PDGFC: variants seen among roughly 807,000 people sequenced by gnomAD.
The protein encoded by PDGFC is platelet-derived growth factor C.
PDGFC carries 12 observed loss-of-function variants against 35.5 expected under a neutral mutation model. The observed-to-expected ratio is 0.34, with a 90% confidence interval of 0.22 to 0.55. PDGFC has a LOEUF of 0.55. Among genes scored for constraint, PDGFC ranks in the 20% least tolerant of loss-of-function variants. The pLI, the probability that PDGFC is intolerant of heterozygous loss-of-function variation, is 0.91. For missense variants in PDGFC, 322 were observed against 412.4 expected, an observed-to-expected ratio of 0.78 and a Z score of 1.90; for synonymous variants, 159 against 148.8, an observed-to-expected ratio of 1.07 and a Z score of -0.50.
chr4:156,818,516 GTT>G (rs35714916), intron 2 of PDGFC, among the ~76,000 whole-genome samples: 3 of 98,886 alleles, frequency 3.0e-5, no homozygotes, highest in South Asian at 7.2e-4. Flanking sequence ...CTTTCTAGCT[GTT>G]TTTTTTTTTT....
intron 1 of PDGFC, among the ~76,000 whole-genome samples, chr4:156,957,575 G>C (rs1035810860): frequency 6.6e-6 from 1 of 151,868 alleles, no homozygotes; most frequent in Non-Finnish European, 1.5e-5. Context: ...ATTTCTTCCT[G>C]TGAGATTTCC....
chr4:156,769,090 GT>G (rs1247812202), intron 4 of PDGFC, among the ~76,000 whole-genome samples: 2 of 151,188 alleles, frequency 1.3e-5, no homozygotes, highest in Admixed American at 6.6e-5. Flanking sequence ...TGCCTTCAGG[GT>G]TTTTTTCTCC....
intron 1 of PDGFC, among the ~76,000 whole-genome samples, chr4:156,924,452 A>T (rs1731359606): frequency 6.6e-6 from 1 of 152,222 alleles, no homozygotes; most frequent in Non-Finnish European, 1.5e-5. Flanking sequence ...ACCTAAAGTA[A>T]CAAGGAAAAT....
Position 156,762,014 on chromosome 4 carries a change from A to G in PDGFC, c.*1076T>C, listed in dbSNP as rs1403696161. 2 of 152,660 alleles carry G rather than the reference A, an allele frequency of 1.3e-5. No individual in the cohort carries two copies. The highest frequency in any genetic ancestry group is 2.9e-5 in the Non-Finnish European group (2 of 68,046). 9.5% of individuals were successfully genotyped at this position (152,660 alleles called of 1,614,324 possible). A position where few individuals can be genotyped will look rare whatever the true frequency, so the allele number is the denominator to read the frequency against. ...TGGCTGGATCTGAATGTCTACTTTC[A>G]TAAGTTGCTTTTTATTTTCATCTCC... On this transcript the variant is annotated 3_prime_UTR_variant, in exon 6 of 6. Transcript: ENST00000502773.
chr4:156,828,540 TG>T (rs1278241126), intron 2 of PDGFC, among the ~76,000 whole-genome samples: 1 of 152,194 alleles, frequency 6.6e-6, no homozygotes, highest in Non-Finnish European at 1.5e-5. Context: ...AAATTTTGAC[TG>T]GTTTTTTGCT....
chr4:156,962,494 A>G (rs2110974732), intron 1 of PDGFC, among the ~76,000 whole-genome samples: 1 of 152,290 alleles, frequency 6.6e-6, no homozygotes, highest in South Asian at 2.1e-4. Context: ...CCATGAAGTA[A>G]AAGGAAGGAT....
chr4:156,905,150 G>A (rs1466128427), intron 1 of PDGFC, among the ~76,000 whole-genome samples: 1 of 152,060 alleles, frequency 6.6e-6, no homozygotes, highest in Non-Finnish European at 1.5e-5. Context: ...TCTTGAGATA[G>A]GCTTAGATTG....
At chr4:156,879,386 T>C (rs970348002) in intron 1 of PDGFC, among the ~76,000 whole-genome samples, 1 of 152,212 alleles carries the variant, frequency 6.6e-6, no homozygotes, top group African/African-American at 2.4e-5. Context: ...TTGTGCCAAG[T>C]TGAGAAAACA....
chr4:156,903,554 T>A (rs1413539363), intron 1 of PDGFC, among the ~76,000 whole-genome samples: 2 of 151,992 alleles, frequency 1.3e-5, no homozygotes, highest in African/African-American at 2.4e-5. Flanking sequence ...AATTTAAAAC[T>A]ACAAAATAAC....
At chr4:156,769,440 T>C (rs182483392) in intron 4 of PDGFC, among the ~76,000 whole-genome samples, 8 of 152,064 alleles carry the variant, frequency 5.3e-5, no homozygotes, top group Admixed American at 2.0e-4. Flanking sequence ...GCATAGGTAA[T>C]TGTAAATTAG....
chr4:156,902,543 A>AGT (rs2110770698), intron 1 of PDGFC, among the ~76,000 whole-genome samples: 1 of 152,358 alleles, frequency 6.6e-6, no homozygotes, highest in South Asian at 2.1e-4. Context: ...TGTTACATAA[A>AGT]TTCTATGAAA....
intron 2 of PDGFC, among the ~76,000 whole-genome samples, chr4:156,828,980 C>G (rs1728861859): frequency 6.6e-6 from 1 of 152,132 alleles, no homozygotes; most frequent in Non-Finnish European, 1.5e-5. Context: ...GGAAACTAAA[C>G]TATTTAATGG....
At chr4:156,945,356 T>G (rs868609248) in intron 1 of PDGFC, among the ~76,000 whole-genome samples, 2 of 87,188 alleles carry the variant, frequency 2.3e-5, no homozygotes, top group Non-Finnish European at 4.0e-5. Flanking sequence ...TATATATATA[T>G]ATATATATAT....
At chr4:156,937,510 G>A (rs1259227872) in intron 1 of PDGFC, among the ~76,000 whole-genome samples, 3 of 151,958 alleles carry the variant, frequency 2.0e-5, no homozygotes, top group Non-Finnish European at 2.9e-5. Context: ...GACCAGCCTG[G>A]GCAAAATAGT....
chr4:156,928,989 T>C (rs941954724), intron 1 of PDGFC, among the ~76,000 whole-genome samples: 6 of 152,166 alleles, frequency 3.9e-5, no homozygotes, highest in African/African-American at 7.2e-5. Context: ...ATAAAGAGTA[T>C]GCATGAACTC....
intron 3 of PDGFC, among the ~76,000 whole-genome samples, chr4:156,789,011 A>G (rs1731206420): frequency 6.6e-6 from 1 of 152,234 alleles, no homozygotes; most frequent in Non-Finnish European, 1.5e-5. Flanking sequence ...AATTGTTGAC[A>G]CAAGGGTAAC....
intron 3 of PDGFC, among the ~76,000 whole-genome samples, chr4:156,806,806 T>C (rs1379762354): frequency 6.6e-6 from 1 of 152,028 alleles, no homozygotes; most frequent in Non-Finnish European, 1.5e-5. Flanking sequence ...ATAATGGTGC[T>C]TATGCTACAG....
chr4:156,785,868 C>A (rs574383288), intron 3 of PDGFC, among the ~76,000 whole-genome samples: 2 of 152,238 alleles, frequency 1.3e-5, no homozygotes, highest in East Asian at 1.9e-4. Flanking sequence ...TATCTTCCCA[C>A]AAAGTTCAAG....
At chr4:156,930,139 C>T (rs1295297309) in intron 1 of PDGFC, among the ~76,000 whole-genome samples, 1 of 152,174 alleles carries the variant, frequency 6.6e-6, no homozygotes, top group Non-Finnish European at 1.5e-5. Context: ...CTGGGTAACT[C>T]GCCTACATTG....
Sources: gnomAD v4.1 joint callset for allele counts (sites outside exome capture counted in the v4.1 genomes callset) on GRCh38, gnomAD v4.1.1 for gene constraint, MANE v1.5 for transcripts, NCBI Gene and HGNC (gene_info 2026-07-23, HGNC 2026-07-21) for gene names.